C10orf90: variants seen among roughly 807,000 people sequenced by gnomAD.
The protein encoded by C10orf90 is chromosome 10 open reading frame 90, also known as (E2-independent) E3 ubiquitin-conjugating enzyme FATS.
In C10orf90, 56 loss-of-function variants were observed where a neutral mutation model predicts 62.5. That is an observed-to-expected ratio of 0.90 (90% confidence interval 0.72 to 1.12). The LOEUF is 1.12. Among genes scored for constraint, C10orf90 ranks in the 50% most tolerant of loss-of-function variants. The probability of loss-of-function intolerance (pLI) is 0.00; values close to 1 mark genes in which losing one functional copy is unlikely to be tolerated. For synonymous variants in C10orf90, 386 were observed against 340.4 expected (o/e 1.13, Z -1.47); for missense variants, 970 against 880.4 (o/e 1.10, Z -1.29).
chr10:126,440,517 G>A lies in C10orf90; in HGVS notation c.2189-10667C>T, dbSNP rs60650240. Among the ~76,000 whole-genome samples, 3,015 of 152,124 alleles carry A rather than the reference G, an allele frequency of 0.02. 241 individuals carry two copies. The East Asian group carries it at 0.3, about 15-fold the overall frequency. Reference sequence around the variant, plus strand: ...AGTTCTAGGGCCCTGCCTACTGCCGGTTCCTCTCCATACTACCACAGCTGA... The same window carrying A: ...AGTTCTAGGGCCCTGCCTACTGCCGATTCCTCTCCATACTACCACAGCTGA... On this transcript the variant is annotated intron_variant, in intron 7 of 9. Transcript: ENST00000488181.
chr10:126,447,782 C>G (rs1858879626), intron 7 of C10orf90, among the ~76,000 whole-genome samples: 1 of 151,976 alleles, frequency 6.6e-6, no homozygotes, highest in African/African-American at 2.4e-5. Context: ...TATGTTAGGC[C>G]AAAAAATAAG....
chr10:126,424,999 GA>G lies in C10orf90; in HGVS notation c.*864del, dbSNP rs1356129080. On this transcript the variant is annotated 3_prime_UTR_variant, in exon 10 of 10. Coordinates refer to ENST00000488181, the MANE Select transcript of C10orf90 (RefSeq NM_001350921.2). The stretch of plus-strand genomic sequence containing the variant: ...CAGAATATATAACAGAGAAATACTT[GA>G]ATTTTTATAATAATTGCATTTATTT... 1 of 152,134 alleles carries G rather than the reference GA, an allele frequency of 6.6e-6. No homozygotes were observed. The highest frequency in any genetic ancestry group is 2.4e-5 in the African/African-American group (1 of 41,424). 9.4% of individuals were successfully genotyped at this position (152,134 alleles called of 1,614,324 possible). A position where few individuals can be genotyped will look rare whatever the true frequency, so the allele number is the denominator to read the frequency against.
At chr10:126,451,582 G>T (rs983782065) in intron 7 of C10orf90, among the ~76,000 whole-genome samples, 2 of 151,294 alleles carry the variant, frequency 1.3e-5, no homozygotes, top group Non-Finnish European at 2.9e-5. Context: ...CCTATTGATT[G>T]GTCTATTGAT....
chr10:126,644,759 C>T (rs1046967025), intron 2 of C10orf90, among the ~76,000 whole-genome samples: 1 of 152,206 alleles, frequency 6.6e-6, no homozygotes, highest in African/African-American at 2.4e-5. Context: ...ACATTTAAGT[C>T]ACCAGGCCTC....
At chr10:126,550,099 G>A (rs570390577) in intron 2 of C10orf90, among the ~76,000 whole-genome samples, 1 of 151,958 alleles carries the variant, frequency 6.6e-6, no homozygotes, top group African/African-American at 2.4e-5. Flanking sequence ...GGGATTACAG[G>A]CACCCGCCAC....
At chr10:126,580,544 T>C (rs183231207) in intron 2 of C10orf90, among the ~76,000 whole-genome samples, 2 of 151,538 alleles carry the variant, frequency 1.3e-5, no homozygotes, top group African/African-American at 4.8e-5. Context: ...TCCCAGCTAC[T>C]CGGGAGGCTG....
intron 2 of C10orf90, among the ~76,000 whole-genome samples, chr10:126,590,322 G>A (rs1330305946): frequency 1.3e-5 from 2 of 152,116 alleles, no homozygotes; most frequent in African/African-American, 2.4e-5. Flanking sequence ...CCTGAACTCA[G>A]CTCTGGATCA....
At chr10:126,647,580 C>A (rs370799260) in intron 1 of C10orf90, among the ~76,000 whole-genome samples, 17 of 152,278 alleles carry the variant, frequency 1.1e-4, no homozygotes, top group South Asian at 8.3e-4. Flanking sequence ...GTGGAAGAGA[C>A]AGAATGGGGT....
rs1564841441 is a variant in C10orf90 at position 126,505,146 on chromosome 10, C to A, written c.406-61G>T. On this transcript the variant is annotated intron_variant, in intron 3 of 9. Coordinates refer to ENST00000488181, the MANE Select transcript of C10orf90 (RefSeq NM_001350921.2). ...TCTATTGAAATATAGACAGTAAACT[C>A]TCTTTCAAGGGCCACCAGGATGCCA... is the stretch of plus-strand genomic sequence containing the variant. 2.0e-6 allele frequency: 3 copies of A among 1,514,046 alleles called. No homozygotes were observed. In the Admixed American group the frequency reaches 6.1e-5, roughly 31 times the overall value. 93.8% of individuals were successfully genotyped at this position (1,514,046 alleles called of 1,614,324 possible). A position where few individuals can be genotyped will look rare whatever the true frequency, so the allele number is the denominator to read the frequency against.
chr10:126,470,576 A>AC lies in C10orf90; in HGVS notation c.1535-5591_1535-5590insG, dbSNP rs1486604646. On this transcript the variant is annotated intron_variant, in intron 4 of 9. Transcript: ENST00000488181. ...AAGACCCTAACTCTACTAAAAACTA[A>AC]AAAACAAACAAACAAACAAACAAAC... 3.9e-3 allele frequency among the ~76,000 whole-genome samples: 496 copies of AC among 126,348 alleles called. 4 individuals are homozygous for AC. The highest frequency in any genetic ancestry group is 0.014 in the African/African-American group (462 of 32,022). 82.9% of individuals were successfully genotyped at this position (126,348 alleles called of 152,430 possible).
At chr10:126,515,257 C>T (rs1409185236) in intron 2 of C10orf90, among the ~76,000 whole-genome samples, 1 of 152,134 alleles carries the variant, frequency 6.6e-6, no homozygotes, top group African/African-American at 2.4e-5. Flanking sequence ...AGTAGTGTAG[C>T]CTAAGTGTGT....
chr10:126,440,700 G>A (rs770755245), intron 7 of C10orf90, among the ~76,000 whole-genome samples: 2 of 152,138 alleles, frequency 1.3e-5, no homozygotes, highest in Admixed American at 6.5e-5. Context: ...ACCCACAGAC[G>A]GTTAACATCA....
At chr10:126,579,583 C>T (rs7087437) in intron 2 of C10orf90, among the ~76,000 whole-genome samples, 94,379 of 151,992 alleles carry the variant, frequency 0.62, 30,138 homozygotes, top group African/African-American at 0.77. Context: ...ACAAATTTTG[C>T]TGAACTCTGT....
Position 126,614,294 on chromosome 10 carries a change from G to C in C10orf90, c.313+32271C>G, listed in dbSNP as rs534124719. Among the ~76,000 whole-genome samples the C allele has an allele frequency of 8.5e-5, 13 of 152,214 alleles. No individual in the cohort carries two copies. The South Asian group carries it at 2.7e-3, about 32-fold the overall frequency. ...CACAGAAATCAAATGACTCACTCAA[G>C]GTCATCGGGGTTAGAAAGGAATCAC... On this transcript the variant is annotated intron_variant, in intron 2 of 9. Transcript: ENST00000488181.
rs772826714 is a variant in C10orf90, at chr10:126,504,401, C to A, written c.1090G>T (p.Val364Leu). Residue 364 changes from valine (V) to leucine (L), a missense_variant, in exon 4 of 10, where the codon GTA (valine) becomes TTA (leucine). Val to Leu is a conservative substitution (Grantham distance 32). Coordinates refer to ENST00000488181, the MANE Select transcript of C10orf90 (RefSeq NM_001350921.2). The surrounding 1 kb of genome is among the most constrained non-coding windows in gnomAD (Gnocchi z 4.1). Reference protein sequence around the residue: ...SQQCPDSIYYVDKSLSVPIEP... With the variant: ...SQQCPDSIYYLDKSLSVPIEP... ...ATGGGGACGGAGAGAGACTTGTCTA[C>A]GTAATAGATTGAATCTGGACACTGC... is the stretch of plus-strand genomic sequence containing the variant. 1.5e-5 allele frequency: 24 copies of A among 1,614,080 alleles called. No homozygotes were observed. In the East Asian group the frequency reaches 4.7e-4, roughly 31 times the overall value.
intron 1 of C10orf90, among the ~76,000 whole-genome samples, chr10:126,650,467 C>A (rs1206868967): frequency 6.6e-6 from 1 of 152,086 alleles, no homozygotes; most frequent in South Asian, 2.1e-4. Context: ...GTCACAGAGG[C>A]GTGATCATTA....
At chr10:126,477,613 G>A (rs998894791) in intron 4 of C10orf90, among the ~76,000 whole-genome samples, 5 of 152,162 alleles carry the variant, frequency 3.3e-5, no homozygotes, top group Admixed American at 2.6e-4. Context: ...CATCTTACAT[G>A]TTAGCATTAG....
intron 2 of C10orf90, among the ~76,000 whole-genome samples, chr10:126,565,443 C>A (rs1244779474): frequency 1.6e-5 from 1 of 61,102 alleles, no homozygotes; most frequent in African/African-American, 5.4e-5. Context: ...ATTATACACA[C>A]ACACACACAC....
chr10:126,655,113 G>A (rs1052449090), intron 1 of C10orf90, among the ~76,000 whole-genome samples: 2 of 152,124 alleles, frequency 1.3e-5, no homozygotes, highest in South Asian at 2.1e-4. Context: ...GAGGTCAGGA[G>A]ATCGAGACCA....
Sources: allele counts gnomAD v4.1 joint callset (sites outside exome capture counted in the v4.1 genomes callset), GRCh38; gene constraint gnomAD v4.1.1; non-coding constraint Gnocchi (gnomAD v3.1); transcripts MANE v1.5; gene names NCBI Gene and HGNC (gene_info 2026-07-23, HGNC 2026-07-21).